Variants in MYO1E observed in about 807,000 individuals in gnomAD.
The protein encoded by MYO1E is unconventional myosin-Ie.
MYO1E carries 68 observed loss-of-function variants against 151.1 expected under a neutral mutation model. That is an observed-to-expected ratio of 0.45 (90% CI 0.37 to 0.55). The LOEUF (loss-of-function observed/expected upper bound fraction) is 0.55, where lower values mean the gene tolerates loss of function less well. MYO1E is among the 20% of genes least tolerant of loss of function. MYO1E has a pLI of 0.00. For synonymous variants in MYO1E, 601 were observed against 501.7 expected, an observed-to-expected ratio of 1.20 and a Z score of -2.64; for missense variants, 1,363 against 1,389.3, an observed-to-expected ratio of 0.98 and a Z score of 0.30.
intron 12 of MYO1E, among the ~76,000 whole-genome samples, chr15:59,213,624 A>G (rs1363201377): frequency 8.0e-5 from 11 of 137,672 alleles, no homozygotes; most frequent in Non-Finnish European, 1.4e-4. Flanking sequence ...ACGTCCAGCT[A>G]ATTATTTTAT....
At chr15:59,271,214 C>T (rs868827639) in intron 2 of MYO1E, 1 of 152,312 alleles carries the variant, frequency 6.6e-6, no homozygotes, top group African/African-American at 2.4e-5. Flanking sequence ...GTTATTACTG[C>T]AAAGGTTCCC....
intron 3 of MYO1E, among the ~76,000 whole-genome samples, chr15:59,258,871 A>G (rs999064527): frequency 5.9e-5 from 9 of 152,022 alleles, no homozygotes; most frequent in African/African-American, 1.7e-4. Context: ...GAAAAAAAAA[A>G]AAGAAGAAAA....
At chr15:59,243,749 T>G (rs1383217908) in intron 4 of MYO1E, among the ~76,000 whole-genome samples, 2 of 152,128 alleles carry the variant, frequency 1.3e-5, no homozygotes, top group African/African-American at 4.8e-5. Context: ...GCCAACAACA[T>G]TTATTACCTC....
At chr15:59,196,182 G>A (rs1210616946) in intron 16 of MYO1E, among the ~76,000 whole-genome samples, 2 of 152,138 alleles carry the variant, frequency 1.3e-5, no homozygotes, top group African/African-American at 2.4e-5. Context: ...AACCTGCAGA[G>A]TCTGAACACT....
chr15:59,144,675 G>A (rs1428048762), intron 26 of MYO1E, among the ~76,000 whole-genome samples: 3 of 152,108 alleles, frequency 2.0e-5, no homozygotes, highest in Admixed American at 6.5e-5. Context: ...CTGTGTCAAC[G>A]AAGCCGTCAC....
At chr15:59,155,075 C>T (rs57164516) in intron 25 of MYO1E, among the ~76,000 whole-genome samples, 5,486 of 152,198 alleles carry the variant, frequency 0.036, 152 homozygotes, top group African/African-American at 0.082. Flanking sequence ...GGTAGAAGGA[C>T]CCTGCTTGCT....
At chr15:59,205,238 G>T (rs2414623) in intron 15 of MYO1E, among the ~76,000 whole-genome samples, 162 bp downstream of exon 15, 1 of 152,064 alleles carries the variant, frequency 6.6e-6, no homozygotes, top group East Asian at 1.9e-4. Flanking sequence ...TCACAGCTCA[G>T]TGCAGCCTCA....
At chr15:59,201,081 G>A (rs2079798546) in intron 16 of MYO1E, among the ~76,000 whole-genome samples, 1 of 151,804 alleles carries the variant, frequency 6.6e-6, no homozygotes. Flanking sequence ...AGAGTTACAT[G>A]ATTGTGTGTG....
chr15:59,358,474 G>A (rs2080867151), intron 1 of MYO1E, among the ~76,000 whole-genome samples: 1 of 152,092 alleles, frequency 6.6e-6, no homozygotes, highest in Non-Finnish European at 1.5e-5. Flanking sequence ...TGGGTTTGGG[G>A]TGTGAGGGTG....
At chr15:59,249,665 C>T (rs1407050773) in intron 4 of MYO1E, among the ~76,000 whole-genome samples, 1 of 152,144 alleles carries the variant, frequency 6.6e-6, no homozygotes, top group Non-Finnish European at 1.5e-5. Context: ...TCATCGCTCA[C>T]TTTTTATTTC....
chr15:59,213,911 T>G (rs2079897152), intron 12 of MYO1E, among the ~76,000 whole-genome samples: 1 of 152,206 alleles, frequency 6.6e-6, no homozygotes, highest in African/African-American at 2.4e-5. Flanking sequence ...AACACAATAT[T>G]TGCCACAGAC....
At chr15:59,230,224 T>TTGTG (rs71119445) in intron 6 of MYO1E, among the ~76,000 whole-genome samples, 10 of 126,916 alleles carry the variant, frequency 7.9e-5, no homozygotes, top group African/African-American at 2.7e-4. Flanking sequence ...CAGTGTGTGT[T>TTGTG]TGTGTGTGTG....
chr15:59,323,182 A>G (rs1197654397), intron 1 of MYO1E, among the ~76,000 whole-genome samples: 1 of 151,490 alleles, frequency 6.6e-6, no homozygotes, highest in East Asian at 1.9e-4. Flanking sequence ...AAAAAAAAAA[A>G]AAAAAAAAGG....
chr15:59,175,684 C>A (rs1202032981), intron 19 of MYO1E, among the ~76,000 whole-genome samples: 1 of 152,164 alleles, frequency 6.6e-6, no homozygotes, highest in Admixed American at 6.5e-5. Context: ...ATTGATATTT[C>A]TTATCTTGTG....
chr15:59,291,855 T>A (rs192914479), intron 1 of MYO1E, among the ~76,000 whole-genome samples: 2 of 151,834 alleles, frequency 1.3e-5, no homozygotes, highest in East Asian at 3.9e-4. Flanking sequence ...GGGATCTAAA[T>A]AGACAACAAA....
chr15:59,150,489 A>G (rs1481063271), intron 26 of MYO1E, among the ~76,000 whole-genome samples: 1 of 152,210 alleles, frequency 6.6e-6, no homozygotes. Flanking sequence ...TTTGCTTGCC[A>G]AAACCAAAGT....
intron 11 of MYO1E, 113 bp from the exon 12 acceptor site, chr15:59,214,427 A>G: frequency 3.3e-6 from 3 of 906,734 alleles, no homozygotes; most frequent in Non-Finnish European, 5.3e-6. Context: ...GAAATGTTGG[A>G]TGCATCAAAA....
chr15:59,309,142 G>T (rs928168577), intron 1 of MYO1E, among the ~76,000 whole-genome samples: 1 of 152,008 alleles, frequency 6.6e-6, no homozygotes, highest in Non-Finnish European at 1.5e-5. Flanking sequence ...AAAAAACCTG[G>T]AAGAAAGAAG....
At chr15:59,193,694 C>A (rs1308286428) in intron 17 of MYO1E, among the ~76,000 whole-genome samples, 1 of 152,058 alleles carries the variant, frequency 6.6e-6, no homozygotes, top group Non-Finnish European at 1.5e-5. Context: ...AGATTGAAAA[C>A]CTGGGATTAG....
Sources: allele counts gnomAD v4.1 joint callset (sites outside exome capture counted in the v4.1 genomes callset), GRCh38; gene constraint gnomAD v4.1.1; transcripts MANE v1.5; gene names NCBI Gene and HGNC (gene_info 2026-07-23, HGNC 2026-07-21).